Variants in MIDEAS observed in about 807,000 individuals in gnomAD.
The protein encoded by MIDEAS is mitotic deacetylase-associated SANT domain protein.
In MIDEAS, 26 loss-of-function variants were observed where a neutral mutation model predicts 102.7. The ratio of observed to expected loss-of-function variants is 0.25; its 90% confidence interval spans 0.19 to 0.35. The LOEUF is 0.35. MIDEAS is among the 10% of genes least tolerant of loss of function. MIDEAS has a pLI of 1.00. For synonymous variants in MIDEAS, 585 were observed against 591.0 expected, an observed-to-expected ratio of 0.99 and a Z score of 0.15; for missense variants, 1,231 against 1,435.6, an observed-to-expected ratio of 0.86 and a Z score of 2.30.
chr14:73,724,892 T>C (rs773919441), intron 9 of MIDEAS: 17 of 207,864 alleles, frequency 8.2e-5, no homozygotes, highest in Non-Finnish European at 1.5e-4. Context: ...CCGCAGGCAC[T>C]TGCTGGCTCT....
chr14:73,736,430 G>A (rs944956598), intron 3 of MIDEAS, among the ~76,000 whole-genome samples: 4 of 152,036 alleles, frequency 2.6e-5, no homozygotes, highest in African/African-American at 9.7e-5. Context: ...AGGAGATCGA[G>A]ACCATCCTGG....
At chr14:73,765,942 T>C (rs1248573185) in intron 1 of MIDEAS, among the ~76,000 whole-genome samples, 1 of 152,188 alleles carries the variant, frequency 6.6e-6, no homozygotes, top group Non-Finnish European at 1.5e-5. Context: ...TACCCCATTC[T>C]CAAAAGGGGC....
rs55692592 is a variant in MIDEAS at position 73,756,295 on chromosome 14, T to TGTGTGTGTGTGTGCGC, written c.-248+3467_-248+3468insGCGCACACACACACAC. Reference sequence around the variant, plus strand: ...GTGTGTGTGTGTGTGTGTGTGTGTGTGCGCGCGCGCGTGCGCGCTGAGGTG... The same window carrying TGTGTGTGTGTGTGCGC: ...GTGTGTGTGTGTGTGTGTGTGTGTGTGTGTGTGTGTGTGCGCGCGCGCGCGCGTGCGCGCTGAGGTG... On this transcript the variant is annotated intron_variant, in intron 1 of 12. Coordinates refer to ENST00000423556, the MANE Select transcript of MIDEAS (RefSeq NM_001367710.1). 7.3e-3 allele frequency among the ~76,000 whole-genome samples: 934 copies of TGTGTGTGTGTGTGCGC among 127,658 alleles called. 16 individuals are homozygous for TGTGTGTGTGTGTGCGC. The highest frequency in any genetic ancestry group is 0.022 in the African/African-American group (841 of 37,390). 83.7% of individuals were successfully genotyped at this position (127,658 alleles called of 152,430 possible). A position where few individuals can be genotyped will look rare whatever the true frequency, so the allele number is the denominator to read the frequency against.
At chr14:73,743,005 TA>T (rs2053302529) in intron 1 of MIDEAS, among the ~76,000 whole-genome samples, 1 of 152,128 alleles carries the variant, frequency 6.6e-6, no homozygotes, top group African/African-American at 2.4e-5. Context: ...ATTTACAGGT[TA>T]GCTAGATGAG....
intron 1 of MIDEAS, among the ~76,000 whole-genome samples, chr14:73,751,877 G>C (rs140030864): frequency 6.6e-6 from 1 of 152,256 alleles, no homozygotes; most frequent in African/African-American, 2.4e-5. Flanking sequence ...TCCAGCCTGG[G>C]CGACAAGAGC....
chr14:73,716,702 AAAAAAAAT>A lies in MIDEAS; in HGVS notation c.*2133_*2140del, dbSNP rs2052896288. ...TGTCTCAAAAAAAAAAAAAAAAAAA[AAAAAAAAT>A]TTTTTTTCCAAGTACAAGATGTTAC... On this transcript the variant is annotated 3_prime_UTR_variant, in exon 13 of 13. Coordinates refer to ENST00000423556, the MANE Select transcript of MIDEAS (RefSeq NM_001367710.1). The A allele has an allele frequency of 7.0e-6, 1 of 143,146 alleles. No homozygotes were observed. The highest frequency in any genetic ancestry group is 2.5e-5 in the African/African-American group (1 of 40,316). The allele number at this position is 143,146 out of a possible 1,614,324, so 8.9% of individuals were successfully genotyped here. A position where few individuals can be genotyped will look rare whatever the true frequency, so the allele number is the denominator to read the frequency against.
rs1053664225 is a variant in MIDEAS at position 73,718,620 on chromosome 14, G to A, written c.*223C>T. ...CCAGGAAAGCACGAGGACAGCTTCC[G>A]ACAGACCAAATGCAAAGAGAGCTGG... On this transcript the variant is annotated 3_prime_UTR_variant, in exon 13 of 13. Transcript: ENST00000423556. 24 of 418,018 alleles carry A rather than the reference G, an allele frequency of 5.7e-5. No individual in the cohort carries two copies. Among genetic ancestry groups the A allele is most frequent in the Middle Eastern group, 1.3e-3 (2 of 1,590 alleles). The allele number at this position is 418,018 out of a possible 1,614,324, so 25.9% of individuals were successfully genotyped here.
chr14:73,787,347 C>T (rs150015137), upstream of MIDEAS: 8,810 of 151,356 alleles, frequency 0.058, 635 homozygotes, highest in African/African-American at 0.17. Context: ...GCGCCGTCTC[C>T]CCACTCTGCG....
At chr14:73,732,770 A>T (rs1377087956) in intron 3 of MIDEAS, among the ~76,000 whole-genome samples, 1 of 124,992 alleles carries the variant, frequency 8.0e-6, no homozygotes, top group Non-Finnish European at 1.6e-5. Context: ...GGGGTGACAC[A>T]GTGAGACTCC....
chr14:73,758,471 C>A (rs1212470471), intron 1 of MIDEAS, among the ~76,000 whole-genome samples: 1 of 152,246 alleles, frequency 6.6e-6, no homozygotes. Flanking sequence ...GATCCCAGAT[C>A]ACCTGGCCAG....
At chr14:73,729,499 C>T in intron 4 of MIDEAS, 141 bp downstream of exon 4, 1 of 702,998 alleles carries the variant, frequency 1.4e-6, no homozygotes, top group African/African-American at 1.8e-5. Flanking sequence ...CAACCTCCTT[C>T]TCAATCTCAG....
chr14:73,776,471 C>A (rs2053689322), intron 1 of MIDEAS, among the ~76,000 whole-genome samples: 1 of 151,058 alleles, frequency 6.6e-6, no homozygotes, highest in Admixed American at 6.6e-5. Context: ...CTGGCTTAAG[C>A]CCGGGAATTC....
In MIDEAS at chr14:73,718,721, C is replaced by T. The variant is rs1207432461; in HGVS notation, c.*122G>A. On this transcript the variant is annotated 3_prime_UTR_variant, in exon 13 of 13. Coordinates refer to ENST00000423556, the MANE Select transcript of MIDEAS (RefSeq NM_001367710.1). ...GTTTATGTCATTGTCTCATTTGTTT[C>T]GCAGGGAAAAGTCCCTGCAATCCTC... The T allele has an allele frequency of 4.8e-6, 5 of 1,031,260 alleles. No individual in the cohort carries two copies. In the East Asian group the frequency reaches 1.3e-4, roughly 28 times the overall value. The allele number at this position is 1,031,260 out of a possible 1,614,324, so 63.9% of individuals were successfully genotyped here. A position where few individuals can be genotyped will look rare whatever the true frequency, so the allele number is the denominator to read the frequency against.
intron 1 of MIDEAS, among the ~76,000 whole-genome samples, chr14:73,778,336 C>G (rs1464690492): frequency 6.6e-6 from 1 of 150,558 alleles, no homozygotes; most frequent in Non-Finnish European, 1.5e-5. Flanking sequence ...GCACTCCAGC[C>G]TGGGCGACAG....
Position 73,726,592 on chromosome 14 carries a change from T to G in MIDEAS, c.2409+12A>C, listed in dbSNP as rs772786760. The G allele has an allele frequency of 6.8e-6, 11 of 1,613,236 alleles. No individual in the cohort carries two copies. The highest frequency in any genetic ancestry group is 9.3e-6 in the Non-Finnish European group (11 of 1,179,470). ...CTGAGGGGCCCTCCCTCTGCTGGGG[T>G]TGCCTTCTCACCAGGATGTCTCCTC... On this transcript the variant is annotated intron_variant, in intron 7 of 12. Coordinates refer to ENST00000423556, the MANE Select transcript of MIDEAS (RefSeq NM_001367710.1).
At chr14:73,720,373 G>C (rs1402342718) in intron 11 of MIDEAS, among the ~76,000 whole-genome samples, 1 of 151,632 alleles carries the variant, frequency 6.6e-6, no homozygotes, top group African/African-American at 2.4e-5. Context: ...TCAGCCTCTG[G>C]AGTAGCTGGG....
intron 1 of MIDEAS, among the ~76,000 whole-genome samples, chr14:73,773,129 C>T (rs1296476924): frequency 2.6e-5 from 4 of 151,924 alleles, no homozygotes; most frequent in Admixed American, 6.6e-5. Context: ...TAAGCCACCA[C>T]GCCTGGCTTC....
At chr14:73,756,301 C>CGCGCGA (rs967143035) in intron 1 of MIDEAS, among the ~76,000 whole-genome samples, 46 of 85,486 alleles carry the variant, frequency 5.4e-4, no homozygotes, top group South Asian at 2.3e-3. Context: ...TGTGTGCGCG[C>CGCGCGA]GCGCGTGCGC....
intron 3 of MIDEAS, chr14:73,730,288 TG>T (rs2053122205): frequency 2.5e-5 from 12 of 488,038 alleles, no homozygotes; most frequent in South Asian, 2.4e-4. Context: ...TGTATAAAAT[TG>T]TAACACATTC....
Sources: gnomAD v4.1 joint callset for allele counts (sites outside exome capture counted in the v4.1 genomes callset) on GRCh38, gnomAD v4.1.1 for gene constraint, MANE v1.5 for transcripts, NCBI Gene and HGNC (gene_info 2026-07-23, HGNC 2026-07-21) for gene names.